The following SYNM variants were observed in gnomAD, a reference collection of about 807,000 sequenced individuals.
SYNM encodes the protein synemin.
A neutral mutation model predicts 104.0 loss-of-function variants in SYNM; 95 were observed. That is an observed-to-expected ratio of 0.91 (90% CI 0.77 to 1.08). The LOEUF (loss-of-function observed/expected upper bound fraction) is 1.08. Among genes scored for constraint, SYNM ranks in the 50% least tolerant of loss-of-function variants. The probability of loss-of-function intolerance (pLI) is 0.00; values close to 1 mark genes in which losing one functional copy is unlikely to be tolerated. For missense variants in SYNM, 2,150 were observed against 2,052.2 expected (o/e 1.05, Z -0.92); for synonymous variants, 918 against 869.0 (o/e 1.06, Z -0.99).
intron 2 of SYNM, among the ~76,000 whole-genome samples, chr15:99,126,308 G>C (rs1330675913): frequency 1.3e-5 from 2 of 152,234 alleles, no homozygotes; most frequent in Non-Finnish European, 2.9e-5. Context: ...AACCCAGTGG[G>C]GGGTGTAGCT....
chr15:99,122,560 G>A (rs1458603563), intron 2 of SYNM, among the ~76,000 whole-genome samples: 1 of 152,194 alleles, frequency 6.6e-6, no homozygotes, highest in Non-Finnish European at 1.5e-5. Context: ...ATAGAGTTGG[G>A]CATGGTGGCT....
In SYNM at chr15:99,109,185, G is replaced by A. The variant is rs182803152; in HGVS notation, c.810+3176G>A. Among the ~76,000 whole-genome samples, 296 of 152,284 alleles carry A rather than the reference G, an allele frequency of 1.9e-3. 1 individual carries two copies. Among genetic ancestry groups the A allele is most frequent in the South Asian group, 0.013 (64 of 4,822 alleles). ...CCCATGCGCCTTCACTGTATGAGGC[G>A]GTAGTCATTGGCCTGCCCCAGGCCT... On this transcript the variant is annotated intron_variant, in intron 1 of 3. Coordinates refer to ENST00000336292, the MANE Select transcript of SYNM (RefSeq NM_145728.3).
rs782454789 is a variant in SYNM at position 99,131,288 on chromosome 15, G to C, written c.2928G>C (p.Gln976His). 1.2e-6 allele frequency: 2 copies of C among 1,612,480 alleles called. No homozygotes were observed. Among genetic ancestry groups the C allele is most frequent in the South Asian group, 1.1e-5 (1 of 90,464 alleles). Residue 976 changes from glutamine (Q) to histidine (H), a missense_variant, in exon 4 of 4, where the codon CAG becomes CAC. Coordinates refer to ENST00000336292, the MANE Select transcript of SYNM (RefSeq NM_145728.3). The surrounding 1 kb of genome is among the most constrained non-coding windows in gnomAD (Gnocchi z 4.3). ...EELSALTREG[Q>H]GGPGSVSVDV... Reference sequence around the variant, plus strand: ...TGTCCGCCCTCACCAGAGAGGGGCAGGGTGGGCCGGGGAGCGTTTCCGTGG... The same window carrying C: ...TGTCCGCCCTCACCAGAGAGGGGCACGGTGGGCCGGGGAGCGTTTCCGTGG...
downstream of SYNM, chr15:99,136,806 G>A (rs1261641485): frequency 6.6e-6 from 1 of 152,220 alleles, no homozygotes; most frequent in East Asian, 1.9e-4. Flanking sequence ...GCCTGGGTCT[G>A]GGACCAGTGT....
chr15:99,125,665 C>T (rs2067440694), intron 2 of SYNM, among the ~76,000 whole-genome samples: 2 of 152,234 alleles, frequency 1.3e-5, no homozygotes, highest in Admixed American at 1.3e-4. Flanking sequence ...GTGTGGGCAC[C>T]CTGCTCCGTT....
chr15:99,121,542 C>T (rs58319155), intron 2 of SYNM, among the ~76,000 whole-genome samples: 14,584 of 152,158 alleles, frequency 0.096, 885 homozygotes, highest in East Asian at 0.29. Flanking sequence ...TGTGAATAAT[C>T]GGATGATAAT....
Position 99,115,129 on chromosome 15 carries a change from G to C in SYNM, c.935+1414G>C, listed in dbSNP as rs1555483778. Among the ~76,000 whole-genome samples, 3 of 152,170 alleles carry C rather than the reference G, an allele frequency of 2.0e-5. No individual in the cohort carries two copies. In the South Asian group the frequency reaches 6.2e-4, roughly 32 times the overall value. On this transcript the variant is annotated intron_variant, in intron 2 of 3. Transcript: ENST00000336292. ...CAGCCAGGTCTGGTGCCAAAGCTGT[G>C]CCATCCCCACCAAGCCGTGTAAAAA...
intron 2 of SYNM, among the ~76,000 whole-genome samples, chr15:99,123,035 G>A (rs903016275): frequency 3.3e-5 from 5 of 152,142 alleles, no homozygotes; most frequent in East Asian, 1.9e-4. Flanking sequence ...CGACGTGATC[G>A]CTGATGTTTA....
chr15:99,109,926 C>G lies in SYNM; in HGVS notation c.811-3665C>G, dbSNP rs146210227. On this transcript the variant is annotated intron_variant, in intron 1 of 3. Transcript: ENST00000336292. ...GTGCCATGGGAAGCCACTGGAGGTT[C>G]TGAGCCGAGGAGAGTTGGGGCCTGG... 2.6e-5 allele frequency among the ~76,000 whole-genome samples: 4 copies of G among 152,284 alleles called. No individual in the cohort carries two copies. The East Asian group carries it at 7.7e-4, about 29-fold the overall frequency.
Position 99,131,070 on chromosome 15 carries a change from T to C in SYNM, c.2710T>C (p.Ser904Pro). The change falls in exon 4 of 4, where the codon TCC becomes CCC. Residue 904 changes from serine to proline, a missense_variant. Transcript: ENST00000336292. The surrounding 1 kb of genome is among the most constrained non-coding windows in gnomAD (Gnocchi z 4.3). ...PAPSLEGDLG[S>P]THWKEQARSG... ...GCCCTCTCTGGAGGGGGACCTGGGT[T>C]CCACTCACTGGAAAGAACAAGCTAG... The C allele has an allele frequency of 6.2e-7, 1 of 1,605,950 alleles. No individual in the cohort carries two copies. The highest frequency in any genetic ancestry group is 8.5e-7 in the Non-Finnish European group (1 of 1,175,962).
At position 99,121,556 on chromosome 15, in the gene SYNM, T is replaced by G. The variant is rs76454283; in HGVS notation, c.936-5166T>G. Among the ~76,000 whole-genome samples the G allele has an allele frequency of 3.2e-3, 487 of 152,268 alleles. 4 individuals are homozygous for G. The highest frequency in any genetic ancestry group is 0.011 in the African/African-American group (473 of 41,526). ...TTGTGAATAATCGGATGATAATTGATGATGAGATGGTGAAAACCCTAGCAA... is the reference window on the plus strand; with the variant it reads ...TTGTGAATAATCGGATGATAATTGAGGATGAGATGGTGAAAACCCTAGCAA... On this transcript the variant is annotated intron_variant, in intron 2 of 3. Transcript: ENST00000336292.
At position 99,133,846 on chromosome 15, in the gene SYNM, G is replaced by GTTAT. The variant is rs376092037; in HGVS notation, c.*788_*789insTTAT. The GTTAT allele has an allele frequency of 6.6e-6, 1 of 152,518 alleles. No individual in the cohort carries two copies. The highest frequency in any genetic ancestry group is 1.5e-5 in the Non-Finnish European group (1 of 68,192). The allele number at this position is 152,518 out of a possible 1,614,324, so 9.4% of individuals were successfully genotyped here. A position where few individuals can be genotyped will look rare whatever the true frequency, so the allele number is the denominator to read the frequency against. The stretch of plus-strand genomic sequence containing the variant: ...GCACACAGTCTGAATGCCCTTTTCT[G>GTTAT]GAGTGGCCAGTTCCTATCAGACTGT... On this transcript the variant is annotated 3_prime_UTR_variant, in exon 4 of 4. Coordinates refer to ENST00000336292, the MANE Select transcript of SYNM (RefSeq NM_145728.3).
Position 99,130,923 on chromosome 15 carries a change from A to G in SYNM, c.2563A>G (p.Ile855Val), listed in dbSNP as rs1555485710. The G allele has an allele frequency of 1.2e-6, 2 of 1,613,776 alleles. No individual in the cohort carries two copies. Among genetic ancestry groups the G allele is most frequent in the Admixed American group, 3.3e-5 (2 of 60,006 alleles). Residue 855 changes from isoleucine (I) to valine (V), a missense_variant, in exon 4 of 4, where the codon ATC becomes GTC. Physicochemically the swap from Ile to Val is conservative, Grantham distance 29. Transcript: ENST00000336292. Reference protein sequence around the residue: ...DDGSVYGQIHIEEESTIRYSW... With the variant: ...DDGSVYGQIHVEEESTIRYSW... ...CGGCTCGGTGTACGGGCAGATCCAC[A>G]TCGAGGAGGAATCCACCATCAGGTA...
chr15:99,133,885 T>C lies in SYNM; in HGVS notation c.*827T>C, dbSNP rs1555486368. 1 of 152,142 alleles carries C rather than the reference T, an allele frequency of 6.6e-6. No homozygotes were observed. Among genetic ancestry groups the C allele is most frequent in the Non-Finnish European group, 1.5e-5 (1 of 68,040 alleles). 9.4% of individuals were successfully genotyped at this position (152,142 alleles called of 1,614,324 possible). A position where few individuals can be genotyped will look rare whatever the true frequency, so the allele number is the denominator to read the frequency against. ...CTATCAGACTGTGCAGACTTGCGCT[T>C]CTCTGCACCTTATCCCTTAGCACCC... On this transcript the variant is annotated 3_prime_UTR_variant, in exon 4 of 4. Transcript: ENST00000336292.
In SYNM at chr15:99,105,117, G is replaced by C. The variant is rs1008448205; in HGVS notation, c.-83G>C. On this transcript the variant is annotated 5_prime_UTR_variant, in exon 1 of 4. Transcript: ENST00000336292. ...TCCGGGGCAGCGGCGAGGCCGGAGC[G>C]TCGCGGCGGAGAGGACGAGACCGGG... The C allele has an allele frequency of 6.9e-7, 1 of 1,453,424 alleles. No homozygotes were observed. The highest frequency in any genetic ancestry group is 9.2e-7 in the Non-Finnish European group (1 of 1,089,008). 90.0% of individuals were successfully genotyped at this position (1,453,424 alleles called of 1,614,324 possible). A position where few individuals can be genotyped will look rare whatever the true frequency, so the allele number is the denominator to read the frequency against.
chr15:99,121,898 C>T lies in SYNM; in HGVS notation c.936-4824C>T, dbSNP rs952645581. On this transcript the variant is annotated intron_variant, in intron 2 of 3. Transcript: ENST00000336292. ...TTTCTGGTCTGGAAGACAGACAACGCGGTCTCTGTAAGAATCCAGAAAGAG... is the reference window on the plus strand; with the variant it reads ...TTTCTGGTCTGGAAGACAGACAACGTGGTCTCTGTAAGAATCCAGAAAGAG... Among the ~76,000 whole-genome samples the T allele has an allele frequency of 3.9e-5, 6 of 152,156 alleles. No homozygotes were observed. The East Asian group carries it at 1.2e-3, about 29-fold the overall frequency.
Position 99,105,610 on chromosome 15 carries a change from G to C in SYNM, c.411G>C (p.Leu137=). The C allele has an allele frequency of 8.0e-7, 1 of 1,254,350 alleles. No individual in the cohort carries two copies. Among genetic ancestry groups the C allele is most frequent in the Non-Finnish European group, 1.0e-6 (1 of 999,222 alleles). 77.7% of individuals were successfully genotyped at this position (1,254,350 alleles called of 1,614,324 possible). A position where few individuals can be genotyped will look rare whatever the true frequency, so the allele number is the denominator to read the frequency against. The part of the protein sequence containing the change: ...RAALEALLGR[L]QAERRGLDAA... ...CCCTCGAGGCGCTGCTGGGCCGGCT[G>C]CAGGCCGAGCGCCGAGGCCTCGACG... The change falls in exon 1 of 4, where the codon CTG becomes CTC. Residue 137 remains leucine, a synonymous_variant. Coordinates refer to ENST00000336292, the MANE Select transcript of SYNM (RefSeq NM_145728.3).
chr15:99,119,121 A>G (rs1555484277), intron 2 of SYNM, among the ~76,000 whole-genome samples: 1 of 152,158 alleles, frequency 6.6e-6, no homozygotes, highest in Non-Finnish European at 1.5e-5. Context: ...GGTAAGGGAA[A>G]CATGCTCGGG....
In SYNM at chr15:99,105,482, C is replaced by A. The variant is rs1555482429; in HGVS notation, c.283C>A (p.Leu95Met). The change falls in exon 1 of 4, where the codon CTG (leucine) becomes ATG (methionine). Residue 95 changes from leucine (L) to methionine (M), a missense_variant. By Grantham distance (15) the Leu-to-Met change is conservative. Transcript: ENST00000336292. ...CGCTCTGCGGCGCGAGCTGCGGGAG[C>A]TGCAGCGCCTGGATGCGGAGGAGCG... The part of the protein sequence containing the change: ...RDALRRELRE[L>M]QRLDAEERAA... 1 of 1,358,816 alleles carries A rather than the reference C, an allele frequency of 7.4e-7. No individual in the cohort carries two copies. The highest frequency in any genetic ancestry group is 9.4e-7 in the Non-Finnish European group (1 of 1,059,626). 84.2% of individuals were successfully genotyped at this position (1,358,816 alleles called of 1,614,324 possible).
Sources: gnomAD v4.1 joint callset for allele counts (sites outside exome capture counted in the v4.1 genomes callset) on GRCh38, gnomAD v4.1.1 for gene constraint, Gnocchi (gnomAD v3.1) non-coding constraint, MANE v1.5 for transcripts, NCBI Gene and HGNC (gene_info 2026-07-23, HGNC 2026-07-21) for gene names.